Variants in NKD1 observed in about 807,000 individuals in gnomAD.
NKD1 encodes NKD inhibitor of Wnt signaling pathway 1.
Under a neutral mutation model 56.0 loss-of-function variants are expected in NKD1, and 21 were observed. The ratio of observed to expected loss-of-function variants is 0.38; its 90% CI spans 0.27 to 0.54. NKD1 has a LOEUF of 0.54. Ranked by LOEUF, NKD1 falls within the 20% of genes least tolerant of loss-of-function variation. The pLI, the probability that NKD1 is intolerant of heterozygous loss-of-function variation, is 0.82. For synonymous variants in NKD1, 263 were observed against 265.7 expected, an observed-to-expected ratio of 0.99 and a Z score of 0.10; for missense variants, 578 against 642.7, an observed-to-expected ratio of 0.90 and a Z score of 1.09.
intron 3 of NKD1, chr16:50,552,277 C>T (rs1225056675): frequency 2.6e-5 from 4 of 152,230 alleles, no homozygotes; most frequent in Admixed American, 2.0e-4. Context: ...GTGTTGACAG[C>T]CCGCTGGTGT....
intron 3 of NKD1, among the ~76,000 whole-genome samples, chr16:50,602,971 C>T (rs949754216): frequency 3.3e-5 from 5 of 152,202 alleles, no homozygotes; most frequent in Admixed American, 6.5e-5. Flanking sequence ...ATGTGAGCAT[C>T]GTCCCAGGGT....
Position 50,633,073 on chromosome 16 carries a change from A to G in NKD1, c.824-119A>G. The G allele has an allele frequency of 3.5e-6, 3 of 865,322 alleles. No homozygotes were observed. Among genetic ancestry groups the G allele is most frequent in the Admixed American group, 3.5e-5 (1 of 28,758 alleles). The allele number at this position is 865,322 out of a possible 1,614,324, so 53.6% of individuals were successfully genotyped here. A position where few individuals can be genotyped will look rare whatever the true frequency, so the allele number is the denominator to read the frequency against. ...TCCTGCAAGGCAGTGAGGGGCAGTC[A>G]GGGCATTGGGGGGTAGCTCTGGTTT... On this transcript the variant is annotated intron_variant, in intron 9 of 9. Coordinates refer to ENST00000268459, the MANE Select transcript of NKD1 (RefSeq NM_033119.5). The surrounding 1 kb of genome is among the most constrained non-coding windows in gnomAD (Gnocchi z 4.9).
At chr16:50,558,416 A>G (rs898375785) in intron 3 of NKD1, 3 of 152,246 alleles carry the variant, frequency 2.0e-5, no homozygotes, top group Non-Finnish European at 4.4e-5. Flanking sequence ...TTATTCCGCT[A>G]TCGCATAGAT....
chr16:50,614,218 C>T (rs527408417), intron 4 of NKD1, among the ~76,000 whole-genome samples: 35 of 152,222 alleles, frequency 2.3e-4, no homozygotes, highest in African/African-American at 6.3e-4. Context: ...CTCAGAGAGA[C>T]GGATTTGTTA....
chr16:50,560,300 C>T (rs867550337), intron 3 of NKD1, among the ~76,000 whole-genome samples: 12 of 152,214 alleles, frequency 7.9e-5, no homozygotes, highest in Non-Finnish European at 1.6e-4. Context: ...AGTGTGCCCG[C>T]GAGCTGCCCA....
intron 3 of NKD1, among the ~76,000 whole-genome samples, chr16:50,551,352 C>T (rs1960380621): frequency 6.6e-6 from 1 of 152,210 alleles, no homozygotes; most frequent in South Asian, 2.1e-4. Flanking sequence ...GTCCCCCTCT[C>T]TCCCTCACCC....
In NKD1 at chr16:50,637,355, T is replaced by A. The variant is rs574808112; in HGVS notation, c.*3574T>A. On this transcript the variant is annotated 3_prime_UTR_variant, in exon 10 of 10. Coordinates refer to ENST00000268459, the MANE Select transcript of NKD1 (RefSeq NM_033119.5). ...ACCGAGGTGGGTGGATCACCTGAGG[T>A]CAGGAGTTCGAGACCAACCTGGGCA... The A allele has an allele frequency of 6.6e-6, 1 of 152,300 alleles. No homozygotes were observed. The highest frequency in any genetic ancestry group is 1.9e-4 in the East Asian group (1 of 5,176). 9.4% of individuals were successfully genotyped at this position (152,300 alleles called of 1,614,324 possible).
At position 50,598,263 on chromosome 16, in the gene NKD1, G is replaced by GTGTGTGCGCGCA. The variant is rs1555489611; in HGVS notation, c.193-10031_193-10030insTGTGTGCGCGCA. 2.4e-5 allele frequency among the ~76,000 whole-genome samples: 3 copies of GTGTGTGCGCGCA among 124,718 alleles called. No individual in the cohort carries two copies. Among genetic ancestry groups the GTGTGTGCGCGCA allele is most frequent in the African/African-American group, 1.2e-4 (3 of 25,510 alleles). The allele number at this position is 124,718 out of a possible 152,430, so 81.8% of individuals were successfully genotyped here. A position where few individuals can be genotyped will look rare whatever the true frequency, so the allele number is the denominator to read the frequency against. ...TGTGTGTGTGTGTGTGTGTGTGTGTGCGCGCACACCTGTGCTCATGGACAC... is the reference window on the plus strand; with the variant it reads ...TGTGTGTGTGTGTGTGTGTGTGTGTGTGTGTGCGCGCACGCGCACACCTGTGCTCATGGACAC... On this transcript the variant is annotated intron_variant, in intron 3 of 9. Transcript: ENST00000268459. This position sits in a 1 kb window ranked among gnomAD's most constrained non-coding sequence, Gnocchi z 4.2.
intron 4 of NKD1, among the ~76,000 whole-genome samples, chr16:50,612,297 G>T (rs1466937842): frequency 6.6e-6 from 1 of 152,228 alleles, no homozygotes; most frequent in Non-Finnish European, 1.5e-5. Flanking sequence ...AACTTGGGAG[G>T]CCTGTACTTC....
rs1596770816 is a variant in NKD1, at chr16:50,641,686, C to G, written c.*7905C>G. On this transcript the variant is annotated 3_prime_UTR_variant, in exon 10 of 10. Coordinates refer to ENST00000268459, the MANE Select transcript of NKD1 (RefSeq NM_033119.5). ...CATGACCCCTGCGCAGCCTCAAGCA[C>G]CTAAGTTTTGGAGGTCAGTGATGCC... is the stretch of plus-strand genomic sequence containing the variant. 1.3e-5 allele frequency: 2 copies of G among 152,244 alleles called. No homozygotes were observed. Among genetic ancestry groups the G allele is most frequent in the Non-Finnish European group, 2.9e-5 (2 of 68,098 alleles). The allele number at this position is 152,244 out of a possible 1,614,324, so 9.4% of individuals were successfully genotyped here.
At chr16:50,586,747 G>A (rs1311030766) in intron 3 of NKD1, among the ~76,000 whole-genome samples, 4 of 152,192 alleles carry the variant, frequency 2.6e-5, no homozygotes, top group Admixed American at 1.3e-4. Context: ...TGTGCATCCT[G>A]TACAGAAGGC....
Position 50,606,728 on chromosome 16 carries a change from C to A in NKD1, c.193-1566C>A, listed in dbSNP as rs566800062. 4.7e-5 allele frequency: 21 copies of A among 443,872 alleles called. 1 individual carries two copies. The highest frequency in any genetic ancestry group is 3.3e-4 in the South Asian group (21 of 64,388). The allele number at this position is 443,872 out of a possible 1,614,324, so 27.5% of individuals were successfully genotyped here. A position where few individuals can be genotyped will look rare whatever the true frequency, so the allele number is the denominator to read the frequency against. On this transcript the variant is annotated intron_variant, in intron 3 of 9. Coordinates refer to ENST00000268459, the MANE Select transcript of NKD1 (RefSeq NM_033119.5). Reference sequence around the variant, plus strand: ...GCTGCAGTGCAGTCAGGGTGGCAGGCGCAGAGCCCCGCTCTGCAGAAGACC... The same window carrying A: ...GCTGCAGTGCAGTCAGGGTGGCAGGAGCAGAGCCCCGCTCTGCAGAAGACC...
At chr16:50,620,955 T>G (rs572169779) in intron 4 of NKD1, among the ~76,000 whole-genome samples, 2 of 152,272 alleles carry the variant, frequency 1.3e-5, no homozygotes, top group African/African-American at 4.8e-5. Context: ...TTTGTGTATG[T>G]GTGAGTGTGT....
intron 7 of NKD1, 39 bp downstream of exon 7, chr16:50,630,372 C>A: frequency 6.2e-7 from 1 of 1,608,710 alleles, no homozygotes. Flanking sequence ...ACAATGTCCT[C>A]CCATCTCAGG....
intron 3 of NKD1, among the ~76,000 whole-genome samples, chr16:50,564,189 A>T (rs566340499): frequency 6.6e-6 from 1 of 152,258 alleles, no homozygotes; most frequent in East Asian, 1.9e-4. Flanking sequence ...AGCCATGGCC[A>T]TGGTGGGGAA....
intron 3 of NKD1, chr16:50,573,840 A>C: frequency 1.0e-6 from 1 of 985,416 alleles, no homozygotes; most frequent in Non-Finnish European, 1.2e-6. Context: ...GGCTGGCCTC[A>C]GCCACAGGGG....
chr16:50,574,630 T>G, intron 3 of NKD1: 2 of 985,394 alleles, frequency 2.0e-6, no homozygotes, highest in African/African-American at 3.5e-5. Flanking sequence ...CAGGAGGAGC[T>G]GTGCCTGGGG....
At position 50,632,487 on chromosome 16, in the gene NKD1, G is replaced by A; in HGVS notation, c.823+79G>A. Reference sequence around the variant, plus strand: ...GGGCCAGGCGGGCCGTGCGGGTGGTGTTCACTGCTACCCCAGGCTTCGGTA... The same window carrying A: ...GGGCCAGGCGGGCCGTGCGGGTGGTATTCACTGCTACCCCAGGCTTCGGTA... On this transcript the variant is annotated intron_variant, in intron 9 of 9. Transcript: ENST00000268459. This position sits in a 1 kb window ranked among gnomAD's most constrained non-coding sequence, Gnocchi z 4.1. 1.4e-6 allele frequency: 2 copies of A among 1,425,172 alleles called. No homozygotes were observed. Among genetic ancestry groups the A allele is most frequent in the Non-Finnish European group, 2.0e-6 (2 of 1,014,944 alleles). 88.3% of individuals were successfully genotyped at this position (1,425,172 alleles called of 1,614,324 possible).
In NKD1 at chr16:50,580,330, C is replaced by T. The variant is rs1020839940; in HGVS notation, c.193-27964C>T. On this transcript the variant is annotated intron_variant, in intron 3 of 9. Coordinates refer to ENST00000268459, the MANE Select transcript of NKD1 (RefSeq NM_033119.5). Reference sequence around the variant, plus strand: ...CTTCCCACACATGCCAGGGCCTGCCCAAGGAGAGGCGAGGGCCCAGTGCTT... The same window carrying T: ...CTTCCCACACATGCCAGGGCCTGCCTAAGGAGAGGCGAGGGCCCAGTGCTT... 3.9e-5 allele frequency among the ~76,000 whole-genome samples: 6 copies of T among 152,252 alleles called. No homozygotes were observed. In the East Asian group the frequency reaches 1.2e-3, roughly 29 times the overall value.
Sources: allele counts gnomAD v4.1 joint callset (sites outside exome capture counted in the v4.1 genomes callset), GRCh38; gene constraint gnomAD v4.1.1; non-coding constraint Gnocchi (gnomAD v3.1); transcripts MANE v1.5; gene names NCBI Gene and HGNC (gene_info 2026-07-23, HGNC 2026-07-21).